AGO3: variants seen among roughly 807,000 people sequenced by gnomAD.
AGO3 encodes argonaute RISC catalytic component 3.
A neutral mutation model predicts 105.5 loss-of-function variants in AGO3; 16 were observed. That is an observed-to-expected ratio of 0.15 (90% CI 0.10 to 0.23). The LOEUF (loss-of-function observed/expected upper bound fraction) is 0.23, where lower values mean the gene tolerates loss of function less well. Ranked by LOEUF, AGO3 falls within the 10% of genes least tolerant of loss-of-function variation. The pLI, the probability that AGO3 is intolerant of heterozygous loss-of-function variation, is 1.00. For synonymous variants in AGO3, 340 were observed against 367.3 expected (o/e 0.93, Z 0.85); for missense variants, 534 against 1,088.0 (o/e 0.49, Z 7.16).
chr1:36,009,082 C>T, intron 8 of AGO3, 38 bp downstream of exon 8: 3 of 1,489,264 alleles, frequency 2.0e-6, no homozygotes, highest in Non-Finnish European at 2.6e-6. Flanking sequence ...CCCTGTTGTT[C>T]ATGATTCTTT....
In AGO3 at chr1:35,957,058, T is replaced by C. The variant is rs138352809; in HGVS notation, c.192-9897T>C. On this transcript the variant is annotated intron_variant, in intron 2 of 18. Transcript: ENST00000373191. ...GCCATTACACATGGTTGTTAAGAAGTTGGTGGCCCAGCCTGGTGCAGTGGC... is the reference window on the plus strand; with the variant it reads ...GCCATTACACATGGTTGTTAAGAAGCTGGTGGCCCAGCCTGGTGCAGTGGC... 4.4e-3 allele frequency among the ~76,000 whole-genome samples: 676 copies of C among 152,178 alleles called. 9 individuals are homozygous for C. Among genetic ancestry groups the C allele is most frequent in the African/African-American group, 0.015 (637 of 41,556 alleles).
At chr1:36,015,492 G>A (rs1276705242) in intron 11 of AGO3, among the ~76,000 whole-genome samples, 1 of 152,230 alleles carries the variant, frequency 6.6e-6, no homozygotes, top group African/African-American at 2.4e-5. Flanking sequence ...GGTTGGGGAT[G>A]TGGGGCTGAA....
At chr1:35,945,947 A>G in intron 2 of AGO3, 84 bp downstream of exon 2, 2 of 1,375,520 alleles carry the variant, frequency 1.5e-6, no homozygotes, top group South Asian at 1.4e-5. Context: ...CTGAATAACA[A>G]TTACAATGTG....
chr1:36,007,581 A>G (rs1640397967), intron 6 of AGO3, among the ~76,000 whole-genome samples: 1 of 151,262 alleles, frequency 6.6e-6, no homozygotes, highest in Admixed American at 6.6e-5. Flanking sequence ...CTGTAATCCC[A>G]GCTACTTGGG....
At chr1:35,967,128 T>C (rs1322877779) in intron 3 of AGO3, 53 bp downstream of exon 3, 2 of 1,563,082 alleles carry the variant, frequency 1.3e-6, no homozygotes, top group Non-Finnish European at 8.6e-7. Flanking sequence ...TGTCTCCTTT[T>C]ACACGCATTT....
At chr1:36,023,761 A>G (rs1385916621) in intron 11 of AGO3, among the ~76,000 whole-genome samples, 1 of 152,214 alleles carries the variant, frequency 6.6e-6, no homozygotes, top group Non-Finnish European at 1.5e-5. Flanking sequence ...AACTTAATGT[A>G]ACACTACCTA....
intron 5 of AGO3, among the ~76,000 whole-genome samples, chr1:35,990,236 C>T (rs750381015): frequency 6.6e-6 from 1 of 152,024 alleles, no homozygotes; most frequent in South Asian, 2.1e-4. Flanking sequence ...TGGCCAGGCA[C>T]GGTGGCTCAC....
intron 2 of AGO3, among the ~76,000 whole-genome samples, chr1:35,947,606 A>T (rs1445119113): frequency 6.6e-6 from 1 of 152,162 alleles, no homozygotes; most frequent in Non-Finnish European, 1.5e-5. Context: ...AAATGGCATG[A>T]GTGTGATGGT....
intron 1 of AGO3, among the ~76,000 whole-genome samples, chr1:35,938,125 T>C (rs527629954): frequency 5.3e-5 from 8 of 151,796 alleles, no homozygotes; most frequent in South Asian, 4.2e-4. Context: ...GGATTACAGG[T>C]GCCCGCCACC....
chr1:36,018,518 C>T (rs1641029327), intron 11 of AGO3, among the ~76,000 whole-genome samples: 1 of 151,796 alleles, frequency 6.6e-6, no homozygotes, highest in South Asian at 2.1e-4. Context: ...CTGCAACCTC[C>T]ATCTCCCGGG....
intron 17 of AGO3, among the ~76,000 whole-genome samples, chr1:36,044,189 A>G (rs1286181962): frequency 5.3e-5 from 8 of 152,086 alleles, no homozygotes. Flanking sequence ...TACAAAAAAT[A>G]TAAAAATTAG....
At chr1:35,979,522 G>A (rs1443037279) in intron 5 of AGO3, among the ~76,000 whole-genome samples, 2 of 152,120 alleles carry the variant, frequency 1.3e-5, no homozygotes, top group Non-Finnish European at 2.9e-5. Context: ...AGAGCTACCA[G>A]TTTGATTATG....
At chr1:36,020,762 C>T (rs1299664140) in intron 11 of AGO3, among the ~76,000 whole-genome samples, 5 of 151,824 alleles carry the variant, frequency 3.3e-5, no homozygotes, top group Non-Finnish European at 7.4e-5. Flanking sequence ...ACTACAGGCG[C>T]ATGCCACCAT....
intron 5 of AGO3, among the ~76,000 whole-genome samples, chr1:35,998,193 CCTT>C (rs1257751149): frequency 1.1e-4 from 16 of 152,102 alleles, no homozygotes; most frequent in Admixed American, 1.0e-3. Flanking sequence ...AAACTCCCCT[CCTT>C]TCTGTTTTAT....
chr1:36,004,267 C>G, intron 5 of AGO3, 74 bp from the exon 6 acceptor site: 1 of 1,456,900 alleles, frequency 6.9e-7, no homozygotes, highest in Non-Finnish European at 9.3e-7. Context: ...AGATAGTTAT[C>G]CTGGAGCCTA....
intron 9 of AGO3, among the ~76,000 whole-genome samples, chr1:36,010,556 C>A (rs563085321): frequency 6.7e-6 from 1 of 149,934 alleles, no homozygotes; most frequent in Admixed American, 6.6e-5. Flanking sequence ...GTGAGCCGAT[C>A]ACACCACTGC....
intron 2 of AGO3, among the ~76,000 whole-genome samples, chr1:35,947,097 AATTTT>A (rs1646380627): frequency 6.6e-6 from 1 of 151,676 alleles, no homozygotes; most frequent in African/African-American, 2.4e-5. Context: ...ACATACATAT[AATTTT>A]ATTTATTTAT....
chr1:35,966,122 G>T (rs1646770460), intron 2 of AGO3, among the ~76,000 whole-genome samples: 2 of 152,078 alleles, frequency 1.3e-5, no homozygotes, highest in Non-Finnish European at 2.9e-5. Flanking sequence ...ACTGTGCCTG[G>T]CCTTGAATCT....
intron 2 of AGO3, among the ~76,000 whole-genome samples, chr1:35,964,019 A>C (rs79859229): frequency 6.6e-6 from 1 of 152,104 alleles, no homozygotes; most frequent in African/African-American, 2.4e-5. Flanking sequence ...TTTATTGAGG[A>C]TATACTATGT....
Sources: allele counts gnomAD v4.1 joint callset (sites outside exome capture counted in the v4.1 genomes callset), GRCh38; gene constraint gnomAD v4.1.1; transcripts MANE v1.5; gene names NCBI Gene and HGNC (gene_info 2026-07-23, HGNC 2026-07-21).